The following TEX264 variants were observed in gnomAD, a reference collection of about 807,000 sequenced individuals.
TEX264 encodes the protein testis expressed 264, ER-phagy receptor.
TEX264 carries 13 observed loss-of-function variants against 23.4 expected under a neutral mutation model. The observed-to-expected ratio is 0.56, with a 90% CI of 0.36 to 0.88. The LOEUF (loss-of-function observed/expected upper bound fraction) is 0.88. Ranked by LOEUF, TEX264 falls within the 40% of genes least tolerant of loss-of-function variation. The pLI is 0.01. For synonymous variants in TEX264, 159 were observed against 170.0 expected, an observed-to-expected ratio of 0.94 and a Z score of 0.50; for missense variants, 340 against 406.8, an observed-to-expected ratio of 0.84 and a Z score of 1.41.
rs574092316 is a variant in TEX264, at chr3:51,685,912, T to G, written c.480+1278T>G. ...ACTGATAGACTTTGGGTGGATTCAC[T>G]GTTGTGGAAGGAGAGGCAGTGAGGG... On this transcript the variant is annotated intron_variant, in intron 3 of 4. Transcript: ENST00000341333. Among the ~76,000 whole-genome samples, 6 of 152,272 alleles carry G rather than the reference T, an allele frequency of 3.9e-5. No individual in the cohort carries two copies. The South Asian group carries it at 1.2e-3, about 32-fold the overall frequency.
At chr3:51,681,591 C>G (rs1702431167) in intron 2 of TEX264, 1 of 152,458 alleles carries the variant, frequency 6.6e-6, no homozygotes, top group Admixed American at 6.5e-5. Flanking sequence ...GAGGAAGTAG[C>G]TTACGCAAAG....
intron 2 of TEX264, among the ~76,000 whole-genome samples, chr3:51,680,715 C>G (rs149620483): frequency 6.6e-6 from 1 of 152,332 alleles, no homozygotes; most frequent in African/African-American, 2.4e-5. Context: ...AATAGCTGAT[C>G]TGGGGAGGAA....
intron 3 of TEX264, among the ~76,000 whole-genome samples, chr3:51,693,504 G>C (rs748650093): frequency 2.9e-5 from 4 of 135,814 alleles, no homozygotes; most frequent in South Asian, 4.5e-4. Context: ...TTTTGAGACA[G>C]AGTCTCATTC....
Position 51,699,415 on chromosome 3 carries a change from C to G in TEX264, c.490C>G (p.Leu164Val), listed in dbSNP as rs766844593. 6.2e-7 allele frequency: 1 copy of G among 1,613,678 alleles called. No homozygotes were observed. Among genetic ancestry groups the G allele is most frequent in the Non-Finnish European group, 8.5e-7 (1 of 1,179,728 alleles). ...ALDTYIKERK[L>V]CAYPRLEIYQ... ...GCCACTCTCTGACTAGGAGCGGAAG[C>G]TGTGTGCCTATCCTCGGCTGGAGAT... Residue 164 changes from leucine to valine, a missense_variant, in exon 4 of 5, where the codon CTG (leucine) becomes GTG (valine). By Grantham distance (32) the Leu-to-Val change is conservative. Transcript: ENST00000341333.
chr3:51,694,079 CCG>C (rs1702952079), intron 3 of TEX264, among the ~76,000 whole-genome samples: 1 of 109,706 alleles, frequency 9.1e-6, no homozygotes. Flanking sequence ...CCCCTTCCTT[CCG>C]TCCGTCCTTC....
chr3:51,681,726 T>A (rs1577501543), intron 2 of TEX264: 1 of 152,194 alleles, frequency 6.6e-6, no homozygotes, highest in Non-Finnish European at 1.5e-5. Context: ...GATCTGTCCC[T>A]CCCTCTGCCA....
At chr3:51,696,449 G>A (rs542172689) in intron 3 of TEX264, among the ~76,000 whole-genome samples, 5 of 152,270 alleles carry the variant, frequency 3.3e-5, no homozygotes, top group East Asian at 1.9e-4. Context: ...CATATTGCCC[G>A]GGCCATGGCT....
chr3:51,696,626 G>A (rs1703069702), intron 3 of TEX264, among the ~76,000 whole-genome samples: 1 of 152,186 alleles, frequency 6.6e-6, no homozygotes, highest in Admixed American at 6.5e-5. Context: ...CCCCACTAGA[G>A]TCATTCTTGC....
At chr3:51,674,836 C>T (rs1702179335) in intron 2 of TEX264, among the ~76,000 whole-genome samples, 1 of 152,228 alleles carries the variant, frequency 6.6e-6, no homozygotes, top group East Asian at 1.9e-4. Context: ...CACCATGAAT[C>T]CCTGGCTTCT....
intron 3 of TEX264, among the ~76,000 whole-genome samples, chr3:51,697,155 A>G (rs1323354968): frequency 6.6e-6 from 1 of 152,222 alleles, no homozygotes. Flanking sequence ...CAGCCAGGCA[A>G]CTTCAGAGCC....
At chr3:51,693,912 C>T (rs571657647) in intron 3 of TEX264, among the ~76,000 whole-genome samples, 3 of 152,228 alleles carry the variant, frequency 2.0e-5, no homozygotes, top group South Asian at 2.1e-4. Flanking sequence ...GTTTTCTTAC[C>T]GTCACATAAT....
At chr3:51,679,977 C>G (rs1702365336) in intron 2 of TEX264, among the ~76,000 whole-genome samples, 1 of 152,128 alleles carries the variant, frequency 6.6e-6, no homozygotes, top group Non-Finnish European at 1.5e-5. Context: ...CCTAGGAGGG[C>G]AAACGAGGTC....
chr3:51,695,296 G>A (rs1406393926), intron 3 of TEX264, among the ~76,000 whole-genome samples: 1 of 152,204 alleles, frequency 6.6e-6, no homozygotes, highest in Non-Finnish European at 1.5e-5. Flanking sequence ...AGCTTATGTA[G>A]GAGATGTGAC....
Position 51,674,285 on chromosome 3 carries a change from A to C in TEX264, c.-20A>C. 6.2e-7 allele frequency: 1 copy of C among 1,613,542 alleles called. No individual in the cohort carries two copies. Among genetic ancestry groups the C allele is most frequent in the Non-Finnish European group, 8.5e-7 (1 of 1,179,506 alleles). ...CTCCTTTGCAGCTGCCTTGAGGTGC[A>C]GTGTTGGGGATCCAGAGCCATGTCG... On this transcript the variant is annotated 5_prime_UTR_variant, in exon 2 of 5. Coordinates refer to ENST00000341333, the MANE Select transcript of TEX264 (RefSeq NM_015926.6).
chr3:51,685,730 C>T (rs781536838), intron 3 of TEX264, among the ~76,000 whole-genome samples: 2 of 152,218 alleles, frequency 1.3e-5, no homozygotes, highest in Admixed American at 6.5e-5. Flanking sequence ...GACTGGACCA[C>T]AGATCTGGGA....
At chr3:51,693,460 A>G (rs1009393388) in intron 3 of TEX264, among the ~76,000 whole-genome samples, 3 of 139,464 alleles carry the variant, frequency 2.2e-5, no homozygotes, top group African/African-American at 5.4e-5. Context: ...GGGCCATTAT[A>G]TCTCGTTTCC....
At chr3:51,675,849 G>C (rs1702209103) in intron 2 of TEX264, among the ~76,000 whole-genome samples, 1 of 152,218 alleles carries the variant, frequency 6.6e-6, no homozygotes, top group African/African-American at 2.4e-5. Flanking sequence ...GTGGAGAAAG[G>C]TGGAAGGGTT....
rs938241930 is a variant in TEX264 at position 51,686,788 on chromosome 3, A to G, written c.480+2154A>G. Reference sequence around the variant, plus strand: ...CATTTCATTCAAGGAAGGCCTCTCCAGTCCTGTCGGTGCCATCCTCAACCT... The same window carrying G: ...CATTTCATTCAAGGAAGGCCTCTCCGGTCCTGTCGGTGCCATCCTCAACCT... On this transcript the variant is annotated intron_variant, in intron 3 of 4. Coordinates refer to ENST00000341333, the MANE Select transcript of TEX264 (RefSeq NM_015926.6). This position sits in a 1 kb window ranked among gnomAD's most constrained non-coding sequence, Gnocchi z 4.1. Among the ~76,000 whole-genome samples the G allele has an allele frequency of 6.6e-6, 1 of 152,088 alleles. No homozygotes were observed. Among genetic ancestry groups the G allele is most frequent in the African/African-American group, 2.4e-5 (1 of 41,376 alleles).
intron 3 of TEX264, chr3:51,694,320 AG>A (rs1446320544): frequency 6.6e-6 from 1 of 151,952 alleles, no homozygotes; most frequent in Non-Finnish European, 1.5e-5. Flanking sequence ...TAGTAGAGAC[AG>A]GGTTTCACTA....
Sources: allele counts gnomAD v4.1 joint callset (sites outside exome capture counted in the v4.1 genomes callset), GRCh38; gene constraint gnomAD v4.1.1; non-coding constraint Gnocchi (gnomAD v3.1); transcripts MANE v1.5; gene names NCBI Gene and HGNC (gene_info 2026-07-23, HGNC 2026-07-21).